BLVRA: variants seen among roughly 807,000 people sequenced by gnomAD.
The protein encoded by BLVRA is biliverdin reductase A.
Under a neutral mutation model 32.8 loss-of-function variants are expected in BLVRA, and 22 were observed. The observed-to-expected ratio is 0.67, with a 90% CI of 0.48 to 0.96. The LOEUF is 0.96. BLVRA is among the 40% of genes least tolerant of loss of function. BLVRA has a pLI of 0.00. For synonymous variants in BLVRA, 119 were observed against 141.3 expected, an observed-to-expected ratio of 0.84 and a Z score of 1.12; for missense variants, 323 against 358.1, an observed-to-expected ratio of 0.90 and a Z score of 0.79.
intron 1 of BLVRA, among the ~76,000 whole-genome samples, chr7:43,759,548 A>C (rs2095740001): frequency 6.6e-6 from 1 of 152,230 alleles, no homozygotes; most frequent in Admixed American, 6.5e-5. Flanking sequence ...AAGTGGGGGT[A>C]ATCATAATGC....
intron 1 of BLVRA, among the ~76,000 whole-genome samples, chr7:43,764,972 G>T (rs1479615705): frequency 6.6e-6 from 1 of 152,118 alleles, no homozygotes; most frequent in Non-Finnish European, 1.5e-5. Flanking sequence ...GGGGTCACAG[G>T]CTGGCTCTTC....
At chr7:43,764,391 G>T (rs2095745544) in intron 1 of BLVRA, 1 of 152,280 alleles carries the variant, frequency 6.6e-6, no homozygotes, top group Admixed American at 6.5e-5. Context: ...TTAATAAGCA[G>T]CTCTTTTCAA....
At chr7:43,794,161 T>C (rs954006389) in intron 5 of BLVRA, among the ~76,000 whole-genome samples, 1 of 151,786 alleles carries the variant, frequency 6.6e-6, no homozygotes, top group Non-Finnish European at 1.5e-5. Flanking sequence ...CCTTAGGAGG[T>C]TGAGGCTGCA....
At chr7:43,796,035 T>C (rs768633325) in intron 5 of BLVRA, among the ~76,000 whole-genome samples, 1 of 140,994 alleles carries the variant, frequency 7.1e-6, no homozygotes, top group Middle Eastern at 3.9e-3. Flanking sequence ...ACCCAGGAGG[T>C]GGAGGTTGTG....
chr7:43,789,232 T>G (rs1313725915), intron 3 of BLVRA, among the ~76,000 whole-genome samples: 1 of 152,222 alleles, frequency 6.6e-6, no homozygotes, highest in Non-Finnish European at 1.5e-5. Context: ...ACTCTTTTTC[T>G]AGTGCTTTAG....
chr7:43,784,199 T>C (rs1347775680), intron 2 of BLVRA, among the ~76,000 whole-genome samples: 1 of 152,198 alleles, frequency 6.6e-6, no homozygotes, highest in Non-Finnish European at 1.5e-5. Context: ...TAGGGCTATT[T>C]GTAGTGGCAT....
rs550569620 is a variant in BLVRA at position 43,798,142 on chromosome 7, C to T, written c.353-2323C>T. On this transcript the variant is annotated intron_variant, in intron 5 of 7. Coordinates refer to ENST00000265523, the MANE Select transcript of BLVRA (RefSeq NM_000712.4). ...CCGGGAGGCACAGTTTGCAGTGAGA[C>T]GAGATCGCACCACTATACTCCAGCC... Among the ~76,000 whole-genome samples the T allele has an allele frequency of 1.3e-4, 16 of 127,390 alleles. No homozygotes were observed. In the South Asian group the frequency reaches 3.3e-3, roughly 26 times the overall value. 83.6% of individuals were successfully genotyped at this position (127,390 alleles called of 152,430 possible).
intron 5 of BLVRA, 75 bp from the exon 6 acceptor site, chr7:43,800,390 G>A (rs1457765726): frequency 2.9e-6 from 4 of 1,386,236 alleles, no homozygotes; most frequent in Non-Finnish European, 4.1e-6. Context: ...GTTAGGGGAT[G>A]ACAGAGTACC....
intron 1 of BLVRA, among the ~76,000 whole-genome samples, chr7:43,761,100 G>C (rs1290339662): frequency 6.6e-6 from 1 of 152,178 alleles, no homozygotes; most frequent in Non-Finnish European, 1.5e-5. Flanking sequence ...TGAGGAAATA[G>C]CTACATTACA....
intron 2 of BLVRA, among the ~76,000 whole-genome samples, chr7:43,775,318 A>G (rs2095759486): frequency 6.6e-6 from 1 of 152,198 alleles, no homozygotes; most frequent in Admixed American, 6.5e-5. Flanking sequence ...TGTCCCATCA[A>G]TACCTAATTT....
intron 1 of BLVRA, among the ~76,000 whole-genome samples, chr7:43,763,389 A>T (rs117058878): frequency 0.011 from 1,713 of 152,174 alleles, 18 homozygotes; most frequent in South Asian, 0.014. Context: ...CACTGGCTAA[A>T]CCCAGCTGGA....
intron 6 of BLVRA, 57 bp from the exon 7 acceptor site, chr7:43,803,612 CTGTCCTG>C: frequency 1.9e-5 from 28 of 1,494,854 alleles, no homozygotes; most frequent in Admixed American, 6.8e-5. Context: ...CCCCACCCCC[CTGTCCTG>C]CTTTCCACTT....
At chr7:43,780,629 G>T (rs1473171206) in intron 2 of BLVRA, among the ~76,000 whole-genome samples, 2 of 152,108 alleles carry the variant, frequency 1.3e-5, no homozygotes, top group Non-Finnish European at 2.9e-5. Context: ...GCAGGGGGAA[G>T]AGACCTCAGG....
intron 1 of BLVRA, among the ~76,000 whole-genome samples, chr7:43,761,792 T>C (rs919781166): frequency 1.3e-5 from 2 of 152,198 alleles, no homozygotes; most frequent in Admixed American, 1.3e-4. Flanking sequence ...TTATGTTAAC[T>C]AATCTTTATA....
intron 6 of BLVRA, among the ~76,000 whole-genome samples, chr7:43,801,398 T>C (rs1269795521): frequency 1.3e-5 from 2 of 152,178 alleles, no homozygotes; most frequent in Non-Finnish European, 2.9e-5. Context: ...AAGCTCCTGC[T>C]CTTGTGGCCA....
intron 4 of BLVRA, 76 bp from the exon 5 acceptor site, chr7:43,792,639 G>A: frequency 7.3e-7 from 1 of 1,375,794 alleles, no homozygotes; most frequent in Non-Finnish European, 1.0e-6. Flanking sequence ...ATAACATTCT[G>A]TTCTCTATTA....
intron 1 of BLVRA, among the ~76,000 whole-genome samples, chr7:43,770,430 C>T (rs17245834): frequency 1.7e-3 from 265 of 152,270 alleles, no homozygotes; most frequent in African/African-American, 6.0e-3. Context: ...AATGCAGATT[C>T]ATGGCCTCCC....
chr7:43,774,326 G>T (rs1260534945), intron 2 of BLVRA, among the ~76,000 whole-genome samples: 1 of 152,166 alleles, frequency 6.6e-6, no homozygotes, highest in Non-Finnish European at 1.5e-5. Context: ...TAAGGTGTAA[G>T]GAAGGGATCC....
At chr7:43,802,508 A>T (rs17246072) in intron 6 of BLVRA, among the ~76,000 whole-genome samples, 1,828 of 151,942 alleles carry the variant, frequency 0.012, 23 homozygotes, top group African/African-American at 0.029. Context: ...ATATATATAT[A>T]TTTTTTTGAT....
Sources: allele counts gnomAD v4.1 joint callset (sites outside exome capture counted in the v4.1 genomes callset), GRCh38; gene constraint gnomAD v4.1.1; transcripts MANE v1.5; gene names NCBI Gene and HGNC (gene_info 2026-07-23, HGNC 2026-07-21).